NHEJ1: variants seen among roughly 807,000 people sequenced by gnomAD.
NHEJ1 encodes the protein non-homologous end joining factor 1.
NHEJ1 carries 22 observed loss-of-function variants against 39.4 expected under a neutral mutation model. The observed-to-expected ratio is 0.56, with a 90% confidence interval of 0.40 to 0.80. The LOEUF is 0.80. Among genes scored for constraint, NHEJ1 ranks in the 30% least tolerant of loss-of-function variants. The probability of loss-of-function intolerance (pLI) is 0.00; values close to 1 mark genes in which losing one functional copy is unlikely to be tolerated. For missense variants in NHEJ1, 329 were observed against 357.1 expected (o/e 0.92, Z 0.63); for synonymous variants, 154 against 135.6 (o/e 1.14, Z -0.94).
chr2:219,080,882 G>C (rs1949061130), intron 5 of NHEJ1, among the ~76,000 whole-genome samples: 1 of 152,078 alleles, frequency 6.6e-6, no homozygotes, highest in Non-Finnish European at 1.5e-5. Context: ...GTTTGGCTGA[G>C]ATGGTCCCAG....
intron 5 of NHEJ1, among the ~76,000 whole-genome samples, chr2:219,126,487 T>C (rs912985299): frequency 6.6e-6 from 1 of 152,222 alleles, no homozygotes; most frequent in Non-Finnish European, 1.5e-5. Flanking sequence ...TGTTGAACTT[T>C]ACCCAAGGAA....
intron 3 of NHEJ1, among the ~76,000 whole-genome samples, chr2:219,152,789 T>TTATTTATTTTTATTTA (rs60094718): frequency 1.1e-5 from 1 of 87,736 alleles, no homozygotes; most frequent in East Asian, 2.5e-4. Flanking sequence ...ATTTATTTAT[T>TTATTTATTTTTATTTA]TTTATTTATT....
intron 5 of NHEJ1, among the ~76,000 whole-genome samples, chr2:219,138,599 A>G (rs1442332341): frequency 1.3e-5 from 2 of 152,264 alleles, no homozygotes; most frequent in Non-Finnish European, 2.9e-5. Flanking sequence ...CAGTGCACAA[A>G]ACATACATCT....
chr2:219,130,008 A>G (rs1176256991), intron 5 of NHEJ1, among the ~76,000 whole-genome samples: 1 of 116,700 alleles, frequency 8.6e-6, no homozygotes, highest in Non-Finnish European at 1.8e-5. Context: ...TCTCAGTTCT[A>G]TTTTCAGAAC....
rs1949367852 is a variant in NHEJ1, at chr2:219,111,757, G to A, written c.589-33551C>T. Among the ~76,000 whole-genome samples, 1 of 152,058 alleles carries A rather than the reference G, an allele frequency of 6.6e-6. No individual in the cohort carries two copies. The highest frequency in any genetic ancestry group is 2.1e-4 in the South Asian group (1 of 4,828). On this transcript the variant is annotated intron_variant, in intron 5 of 7. Transcript: ENST00000356853. The surrounding 1 kb of genome is among the most constrained non-coding windows in gnomAD (Gnocchi z 4.1). ...GCTGCAGAAAACAACTGCTTGTTAA[G>A]TTAAAATTAAACTCTGTACAAATAT... is the stretch of plus-strand genomic sequence containing the variant.
chr2:219,079,929 C>T (rs1949047454), intron 5 of NHEJ1, among the ~76,000 whole-genome samples: 1 of 152,218 alleles, frequency 6.6e-6, no homozygotes. Flanking sequence ...TTGGTAGGCA[C>T]TGTGCTGTCT....
chr2:219,091,072 C>T (rs1949155890), intron 5 of NHEJ1, among the ~76,000 whole-genome samples: 1 of 152,104 alleles, frequency 6.6e-6, no homozygotes, highest in Non-Finnish European at 1.5e-5. Context: ...GAAGTATGTG[C>T]TGGGAATTCA....
In NHEJ1 at chr2:219,076,341, G is replaced by A. The variant is rs897477; in HGVS notation, c.*40C>T. 1,200,592 of 1,613,646 alleles carry A rather than the reference G, an allele frequency of 0.74. 450,717 individuals are homozygous for A. The highest frequency in any genetic ancestry group is 0.77 in the Non-Finnish European group (907,074 of 1,179,872). Reference sequence around the variant, plus strand: ...TCTTTCAAGGTGAAGCTTGGAAGCTGTTCTCCAAGTCCATCCTCAGCAGCT... The same window carrying A: ...TCTTTCAAGGTGAAGCTTGGAAGCTATTCTCCAAGTCCATCCTCAGCAGCT... On this transcript the variant is annotated 3_prime_UTR_variant, in exon 8 of 8. Coordinates refer to ENST00000356853, the MANE Select transcript of NHEJ1 (RefSeq NM_024782.3).
At chr2:219,092,920 C>A (rs1158016635) in intron 5 of NHEJ1, among the ~76,000 whole-genome samples, 1 of 152,170 alleles carries the variant, frequency 6.6e-6, no homozygotes, top group South Asian at 2.1e-4. Context: ...AAATTAGGTA[C>A]CAAGAGACCT....
At chr2:219,104,351 T>C (rs1276500575) in intron 5 of NHEJ1, among the ~76,000 whole-genome samples, 1 of 152,202 alleles carries the variant, frequency 6.6e-6, no homozygotes, top group East Asian at 1.9e-4. Flanking sequence ...GCTGCAAATG[T>C]CTAGCTAGAG....
At chr2:219,154,206 C>T (rs1949826588) in intron 3 of NHEJ1, among the ~76,000 whole-genome samples, 1 of 151,710 alleles carries the variant, frequency 6.6e-6, no homozygotes, top group African/African-American at 2.4e-5. Context: ...GTAAGTTCTA[C>T]AATTAAGTGA....
At position 219,074,838 on chromosome 2, in the gene NHEJ1, G is replaced by A. The variant is rs759112135; in HGVS notation, c.*1543C>T. ...CTTCGATGACAGTCACTACCACACA[G>A]CACACTCTAGGGTCCTGTGGTCTGG... On this transcript the variant is annotated 3_prime_UTR_variant, in exon 8 of 8. Coordinates refer to ENST00000356853, the MANE Select transcript of NHEJ1 (RefSeq NM_024782.3). Among the ~76,000 whole-genome samples, 2 of 152,040 alleles carry A rather than the reference G, an allele frequency of 1.3e-5. No homozygotes were observed. The highest frequency in any genetic ancestry group is 2.9e-5 in the Non-Finnish European group (2 of 68,008).
intron 5 of NHEJ1, among the ~76,000 whole-genome samples, chr2:219,086,484 C>T (rs60115037): frequency 0.016 from 2,446 of 152,192 alleles, 67 homozygotes; most frequent in African/African-American, 0.056. Flanking sequence ...CTCTCACTTC[C>T]CTTCTTAAAT....
chr2:219,148,479 A>G (rs1949763767), intron 3 of NHEJ1, among the ~76,000 whole-genome samples: 1 of 152,180 alleles, frequency 6.6e-6, no homozygotes, highest in Non-Finnish European at 1.5e-5. Flanking sequence ...GGATCACTTG[A>G]GCCAAGGAGG....
At position 219,077,932 on chromosome 2, in the gene NHEJ1, G is replaced by A. The variant is rs1233505344; in HGVS notation, c.706+157C>T. On this transcript the variant is annotated intron_variant, in intron 6 of 7. Transcript: ENST00000356853. Reference sequence around the variant, plus strand: ...GTGGCTACTAATCACTTGAAATGTGGCTACTGCAAAAGAGAAAATGCATTT... The same window carrying A: ...GTGGCTACTAATCACTTGAAATGTGACTACTGCAAAAGAGAAAATGCATTT... The A allele has an allele frequency of 1.4e-5, 9 of 655,772 alleles. No individual in the cohort carries two copies. In the Admixed American group the frequency reaches 2.0e-4, roughly 15 times the overall value. 40.6% of individuals were successfully genotyped at this position (655,772 alleles called of 1,614,324 possible).
intron 5 of NHEJ1, among the ~76,000 whole-genome samples, chr2:219,090,275 C>T (rs1281902419): frequency 6.6e-6 from 1 of 152,186 alleles, no homozygotes; most frequent in Admixed American, 6.5e-5. Flanking sequence ...ACACTCAAAT[C>T]CCTGATCCAC....
chr2:219,118,491 A>T (rs1949436830), intron 5 of NHEJ1, among the ~76,000 whole-genome samples: 1 of 151,838 alleles, frequency 6.6e-6, no homozygotes, highest in Non-Finnish European at 1.5e-5. Context: ...GGGGAGGGAC[A>T]GGGAGGGCAG....
chr2:219,078,774 C>T (rs1949036975), intron 5 of NHEJ1, among the ~76,000 whole-genome samples: 1 of 152,166 alleles, frequency 6.6e-6, no homozygotes, highest in Admixed American at 6.5e-5. Context: ...TTTACTATCA[C>T]CCACATGCTC....
intron 5 of NHEJ1, among the ~76,000 whole-genome samples, chr2:219,101,748 T>C (rs1316931327): frequency 6.8e-6 from 1 of 146,834 alleles, no homozygotes; most frequent in Non-Finnish European, 1.5e-5. Flanking sequence ...AGACAGAGTC[T>C]TGCTCTGTCG....
Sources: gnomAD v4.1 joint callset for allele counts (sites outside exome capture counted in the v4.1 genomes callset) on GRCh38, gnomAD v4.1.1 for gene constraint, Gnocchi (gnomAD v3.1) non-coding constraint, MANE v1.5 for transcripts, NCBI Gene and HGNC (gene_info 2026-07-23, HGNC 2026-07-21) for gene names.